The following SCML4 variants were observed in gnomAD, a reference collection of about 807,000 sequenced individuals.
SCML4 encodes the protein Scm polycomb group protein like 4, also known as sex comb on midleg-like protein 4.
A neutral mutation model predicts 41.1 loss-of-function variants in SCML4; 34 were observed. The ratio of observed to expected loss-of-function variants is 0.83; its 90% CI spans 0.63 to 1.10. The LOEUF (loss-of-function observed/expected upper bound fraction) is 1.10, where lower values mean the gene tolerates loss of function less well. Among genes scored for constraint, SCML4 ranks in the 50% least tolerant of loss-of-function variants. The pLI is 0.00. For synonymous variants in SCML4, 214 were observed against 220.9 expected, an observed-to-expected ratio of 0.97 and a Z score of 0.28; for missense variants, 522 against 534.1, an observed-to-expected ratio of 0.98 and a Z score of 0.22.
intron 1 of SCML4, among the ~76,000 whole-genome samples, chr6:107,817,625 A>G (rs866988796): frequency 1.7e-5 from 2 of 118,208 alleles, no homozygotes; most frequent in African/African-American, 7.5e-5. Context: ...CATCTCAAAA[A>G]AAAAAAAAAA....
At chr6:107,712,604 G>A (rs1165155677) in intron 6 of SCML4, among the ~76,000 whole-genome samples, 1 of 152,120 alleles carries the variant, frequency 6.6e-6, no homozygotes, top group Non-Finnish European at 1.5e-5. Context: ...TTTCTTAGGG[G>A]GCCTTTTAGT....
chr6:107,749,736 G>C lies in SCML4; in HGVS notation c.234C>G (p.Ile78Met), dbSNP rs1275675899. The C allele has an allele frequency of 1.9e-6, 3 of 1,613,924 alleles. No homozygotes were observed. Among genetic ancestry groups the C allele is most frequent in the Non-Finnish European group, 2.5e-6 (3 of 1,179,990 alleles). Residue 78 changes from isoleucine (I) to methionine (M), a missense_variant, in exon 3 of 8, where the codon ATC becomes ATG. Ile to Met is a conservative substitution (Grantham distance 10, BLOSUM62 1). Transcript: ENST00000369020. Reference sequence around the variant, plus strand: ...TGGGGACCGTGGCTGCGTCCTGAGGGATGGAGCTGAGGTCGGGCTCTGGGG... The same window carrying C: ...TGGGGACCGTGGCTGCGTCCTGAGGCATGGAGCTGAGGTCGGGCTCTGGGG... ...RSTPEPDLSS[I>M]PQDAATVPSL...
chr6:107,841,414 T>C, the SCML4 span, among the ~76,000 whole-genome samples: 2 of 152,210 alleles, frequency 1.3e-5, no homozygotes, highest in Non-Finnish European at 2.9e-5. Context: ...ATCCAGAGGT[T>C]CCACATGCCA....
chr6:107,838,963 C>A, the SCML4 span, among the ~76,000 whole-genome samples: 17 of 12,556 alleles, frequency 1.4e-3, no homozygotes, highest in East Asian at 0.031. Flanking sequence ...ATGTCCACAA[C>A]AAAAAATCGT....
In SCML4 at chr6:107,747,099, G is replaced by A. The variant is rs73762061; in HGVS notation, c.287-210C>T. Among the ~76,000 whole-genome samples the A allele has an allele frequency of 5.9e-3, 891 of 152,276 alleles. 7 individuals carry two copies. The highest frequency in any genetic ancestry group is 0.021 in the African/African-American group (865 of 41,558). ...ACCCCAAGTGCCAGGGCCTGACCTC[G>A]GGGGCTTTCTTGGTTGGAAACAGTT... On this transcript the variant is annotated intron_variant, in intron 3 of 7. Transcript: ENST00000369020.
At chr6:107,802,533 A>G (rs1783221088) in intron 1 of SCML4, among the ~76,000 whole-genome samples, 1 of 146,958 alleles carries the variant, frequency 6.8e-6, no homozygotes, top group Non-Finnish European at 1.5e-5. Flanking sequence ...GGCAGAGCAT[A>G]GAGTGTCTTT....
rs572287693 is a variant in SCML4, at chr6:107,769,503, A to G, written c.156+2669T>C. Among the ~76,000 whole-genome samples, 266 of 152,342 alleles carry G rather than the reference A, an allele frequency of 1.7e-3. 1 individual carries two copies. The highest frequency in any genetic ancestry group is 6.0e-3 in the African/African-American group (249 of 41,580). Reference sequence around the variant, plus strand: ...TTGACAGAGCAGCTGGGGAAGCATCAGGCAAGAAGTGACAAATGTCAACCA... The same window carrying G: ...TTGACAGAGCAGCTGGGGAAGCATCGGGCAAGAAGTGACAAATGTCAACCA... On this transcript the variant is annotated intron_variant, in intron 2 of 7. Coordinates refer to ENST00000369020, the MANE Select transcript of SCML4 (RefSeq NM_198081.5).
intron 1 of SCML4, among the ~76,000 whole-genome samples, chr6:107,793,490 T>C (rs560564100): frequency 3.9e-5 from 6 of 152,336 alleles, no homozygotes; most frequent in African/African-American, 1.4e-4. Flanking sequence ...TCATTCTCAC[T>C]GTTCTAGAAG....
intron 1 of SCML4, among the ~76,000 whole-genome samples, chr6:107,774,612 T>C (rs1283729676): frequency 6.6e-6 from 1 of 152,182 alleles, no homozygotes; most frequent in African/African-American, 2.4e-5. Context: ...GACTTTAAAC[T>C]CAGGAATTAT....
intron 5 of SCML4, among the ~76,000 whole-genome samples, chr6:107,721,994 T>G: frequency 6.6e-6 from 1 of 151,272 alleles, no homozygotes. Context: ...TTTTTTTTTT[T>G]TTTTTGAGAT....
intron 2 of SCML4, among the ~76,000 whole-genome samples, chr6:107,756,379 T>G (rs1357254310): frequency 1.3e-5 from 2 of 152,164 alleles, no homozygotes; most frequent in African/African-American, 4.8e-5. Context: ...AACCCTAGTC[T>G]AATCATGAGA....
At chr6:107,762,841 GT>G (rs1239111800) in intron 2 of SCML4, among the ~76,000 whole-genome samples, 1 of 120,778 alleles carries the variant, frequency 8.3e-6, no homozygotes, top group Non-Finnish European at 1.8e-5. Context: ...AGTTTGTTGT[GT>G]TTTGTTATAT....
At chr6:107,814,747 T>A (rs1784441612) in intron 1 of SCML4, among the ~76,000 whole-genome samples, 2 of 152,180 alleles carry the variant, frequency 1.3e-5, no homozygotes, top group Admixed American at 1.3e-4. Flanking sequence ...GAGACGGGGT[T>A]TCGCCACATT....
At chr6:107,810,920 T>G (rs1367496920) in intron 1 of SCML4, among the ~76,000 whole-genome samples, 2 of 152,120 alleles carry the variant, frequency 1.3e-5, no homozygotes, top group Non-Finnish European at 2.9e-5. Flanking sequence ...GGATTACACA[T>G]GTGAACCCCC....
At chr6:107,788,376 A>G (rs1242138558) in intron 1 of SCML4, among the ~76,000 whole-genome samples, 1 of 152,188 alleles carries the variant, frequency 6.6e-6, no homozygotes, top group Non-Finnish European at 1.5e-5. Context: ...TCCTGTCATA[A>G]TTGGTAAACC....
At chr6:107,747,852 A>T (rs1164003745) in intron 3 of SCML4, among the ~76,000 whole-genome samples, 1 of 152,208 alleles carries the variant, frequency 6.6e-6, no homozygotes, top group South Asian at 2.1e-4. Flanking sequence ...CCTAGTTTAT[A>T]CAAGTTCAAC....
chr6:107,755,374 G>A (rs1297174914), intron 2 of SCML4, among the ~76,000 whole-genome samples: 1 of 152,154 alleles, frequency 6.6e-6, no homozygotes, highest in African/African-American at 2.4e-5. Flanking sequence ...AAAATCACGA[G>A]TAGAAATACC....
At chr6:107,780,788 A>T (rs1247080138) in intron 1 of SCML4, among the ~76,000 whole-genome samples, 1 of 152,058 alleles carries the variant, frequency 6.6e-6, no homozygotes, top group Non-Finnish European at 1.5e-5. Flanking sequence ...TTGGGGATAG[A>T]GAAGAGTCGG....
At chr6:107,821,686 G>A (rs551414023) in intron 1 of SCML4, among the ~76,000 whole-genome samples, 204 of 152,192 alleles carry the variant, frequency 1.3e-3, no homozygotes, top group African/African-American at 4.7e-3. Context: ...CACCTGCCAC[G>A]CTCTTCAGGA....
Sources: gnomAD v4.1 joint callset for allele counts (sites outside exome capture counted in the v4.1 genomes callset) on GRCh38, gnomAD v4.1.1 for gene constraint, MANE v1.5 for transcripts, NCBI Gene and HGNC (gene_info 2026-07-23, HGNC 2026-07-21) for gene names.